The following MRPL49 variants were observed in gnomAD, a reference collection of about 807,000 sequenced individuals.
MRPL49 encodes the protein mitochondrial ribosomal protein L49, also known as large ribosomal subunit protein mL49.
In MRPL49, 14 loss-of-function variants were observed where a neutral mutation model predicts 18.4. The observed-to-expected ratio is 0.76, with a 90% CI of 0.50 to 1.19. The LOEUF (loss-of-function observed/expected upper bound fraction) is 1.19. Among genes scored for constraint, MRPL49 ranks in the 50% most tolerant of loss-of-function variants. MRPL49 has a pLI of 0.00. For synonymous variants in MRPL49, 104 were observed against 86.2 expected (o/e 1.21, Z -1.14); for missense variants, 190 against 217.8 (o/e 0.87, Z 0.80).
chr11:65,122,242 G>T (rs1431861840), upstream of MRPL49: 11 of 1,263,048 alleles, frequency 8.7e-6, no homozygotes, highest in Non-Finnish European at 1.2e-5. Context: ...TCCTAGCTCC[G>T]CCCCTTTACG....
At position 65,125,785 on chromosome 11, in the gene MRPL49, C is replaced by G; in HGVS notation, c.414C>G (p.Thr138=). 2 of 1,613,410 alleles carry G rather than the reference C, an allele frequency of 1.2e-6. No homozygotes were observed. Among genetic ancestry groups the G allele is most frequent in the Non-Finnish European group, 1.7e-6 (2 of 1,179,996 alleles). The part of the protein sequence containing the change: ...LSPLLGKTPV[T]QVNEVTGTLR... ...CGCTGCTGGGGAAGACACCTGTCAC[C>G]CAGGTCAATGAGGTGACAGGTACCC... The change falls in exon 4 of 4, where the codon ACC becomes ACG. Residue 138 remains threonine, a synonymous_variant. Transcript: ENST00000279242.
chr11:65,122,920 C>G (rs1744993040), intron 1 of MRPL49, among the ~76,000 whole-genome samples: 1 of 152,024 alleles, frequency 6.6e-6, no homozygotes, highest in Non-Finnish European at 1.5e-5. Context: ...GGGGTTTCAC[C>G]TTGTTAGCCA....
At chr11:65,125,644 T>G in intron 3 of MRPL49, 32 bp downstream of exon 3, 1 of 1,613,798 alleles carries the variant, frequency 6.2e-7, no homozygotes, top group Non-Finnish European at 8.5e-7. Flanking sequence ...GGACTGGGCC[T>G]GACCCTTTCA....
chr11:65,122,301 G>T, upstream of MRPL49: 1 of 1,598,156 alleles, frequency 6.3e-7, no homozygotes, highest in East Asian at 2.3e-5. Flanking sequence ...AGGACGGGGC[G>T]GGACCAGACA....
At chr11:65,124,763 T>G (rs1440242539) in intron 2 of MRPL49, 111 bp downstream of exon 2, 2 of 1,245,640 alleles carry the variant, frequency 1.6e-6, no homozygotes, top group Non-Finnish European at 2.2e-6. Context: ...CAGGACTCAT[T>G]TTGCAATCCC....
intron 2 of MRPL49, chr11:65,125,023 T>C (rs1379833013): frequency 3.7e-6 from 1 of 268,536 alleles, no homozygotes; most frequent in Admixed American, 4.9e-5. Flanking sequence ...TGATGTTATC[T>C]TGAATTAGTC....
At chr11:65,125,449 T>C in intron 2 of MRPL49, 39 bp from the exon 3 acceptor site, 1 of 1,611,744 alleles carries the variant, frequency 6.2e-7, no homozygotes, top group Non-Finnish European at 8.5e-7. Flanking sequence ...GGATGGCACG[T>C]AGGAAGAGTT....
chr11:65,123,749 TAAATA>T (rs1948075505), intron 1 of MRPL49, among the ~76,000 whole-genome samples: 1 of 151,672 alleles, frequency 6.6e-6, no homozygotes, highest in Admixed American at 6.6e-5. Context: ...ATAATAAAAA[TAAATA>T]AAGGAAAGGA....
In MRPL49 at chr11:65,122,361, G is replaced by T. The variant is rs375862268; in HGVS notation, c.15G>T (p.Met5Ile). The change falls in exon 1 of 4, where the codon ATG becomes ATT. Residue 5 changes from methionine (M) to isoleucine (I), a missense_variant. By Grantham distance (10) the Met-to-Ile change is conservative. Coordinates refer to ENST00000279242, the MANE Select transcript of MRPL49 (RefSeq NM_004927.4). MAAT[M>I]FRATLRGWRT... ...AGCAGGTAAAGATGGCAGCTACCAT[G>T]TTCCGGGCTACGCTGCGGGGATGGA... 3 of 1,612,962 alleles carry T rather than the reference G, an allele frequency of 1.9e-6. No homozygotes were observed. Among genetic ancestry groups the T allele is most frequent in the Admixed American group, 1.7e-5 (1 of 59,928 alleles).
Position 65,122,440 on chromosome 11 carries a change from G to T in MRPL49, c.78+16G>T, listed in dbSNP as rs1388953535. On this transcript the variant is annotated intron_variant, in intron 1 of 3. Coordinates refer to ENST00000279242, the MANE Select transcript of MRPL49 (RefSeq NM_004927.4). ...ACGGCTGTTGGTGAGAGCGCTGAGC[G>T]AGGAGCTGAGGGCATCGCGTGGGTG... 6.2e-7 allele frequency: 1 copy of T among 1,606,430 alleles called. No individual in the cohort carries two copies. The highest frequency in any genetic ancestry group is 1.1e-5 in the South Asian group (1 of 90,134).
At position 65,122,388 on chromosome 11, in the gene MRPL49, A is replaced by G. The variant is rs775076288; in HGVS notation, c.42A>G (p.Arg14=). 55 of 1,613,250 alleles carry G rather than the reference A, an allele frequency of 3.4e-5. No homozygotes were observed. The highest frequency in any genetic ancestry group is 4.4e-5 in the Non-Finnish European group (52 of 1,179,742). The change falls in exon 1 of 4, where the codon AGA becomes AGG. Residue 14 remains arginine, a synonymous_variant. Transcript: ENST00000279242. Reference sequence around the variant, plus strand: ...TCCGGGCTACGCTGCGGGGATGGAGAACCGGTGTCCAGCGGGGCTGCGGGC... The same window carrying G: ...TCCGGGCTACGCTGCGGGGATGGAGGACCGGTGTCCAGCGGGGCTGCGGGC... ...TMFRATLRGW[R]TGVQRGCGLR... is the part of the protein sequence containing the mutation.
chr11:65,125,868 T>A lies in MRPL49; in HGVS notation c.497T>A (p.Phe166Tyr), dbSNP rs1185446568. 6.2e-7 allele frequency: 1 copy of A among 1,604,734 alleles called. No homozygotes were observed. The highest frequency in any genetic ancestry group is 8.5e-7 in the Non-Finnish European group (1 of 1,174,524). ...AAAGCCTGGCTCTTGGAGAAAGGCT[T>A]CTGAGGCCCAGCCGAGCAGCCTGCT... is the stretch of plus-strand genomic sequence containing the variant. ...ELKAWLLEKG[F>Y] The change falls in exon 4 of 4, where the codon TTC becomes TAC. Residue 166 changes from phenylalanine (F) to tyrosine (Y), a missense_variant. Physicochemically the swap from Phe to Tyr is conservative, Grantham distance 22. Transcript: ENST00000279242.
At chr11:65,122,298 G>A, upstream of MRPL49, 1 of 1,596,018 alleles carries the variant, frequency 6.3e-7, no homozygotes, top group Non-Finnish European at 8.5e-7. Context: ...CGCAGGACGG[G>A]GCGGGACCAG....
In MRPL49 at chr11:65,126,091, G is replaced by T. The variant is rs1406207433; in HGVS notation, c.*219G>T. The T allele has an allele frequency of 2.1e-6, 1 of 483,620 alleles. No homozygotes were observed. Among genetic ancestry groups the T allele is most frequent in the Non-Finnish European group, 3.6e-6 (1 of 277,474 alleles). 30.0% of individuals were successfully genotyped at this position (483,620 alleles called of 1,614,324 possible). Reference sequence around the variant, plus strand: ...TGGGAGACCAAATAGGGATCACCAGGCTAATGGGGGGCGTCAGCAGCTTTC... The same window carrying T: ...TGGGAGACCAAATAGGGATCACCAGTCTAATGGGGGGCGTCAGCAGCTTTC... On this transcript the variant is annotated 3_prime_UTR_variant, in exon 4 of 4. Transcript: ENST00000279242.
intron 1 of MRPL49, among the ~76,000 whole-genome samples, chr11:65,123,602 C>T (rs1009509982): frequency 6.6e-6 from 1 of 151,992 alleles, no homozygotes; most frequent in African/African-American, 2.4e-5. Flanking sequence ...GGTGTGATGG[C>T]GTGTGCCTGT....
At chr11:65,123,579 C>T (rs1565335741) in intron 1 of MRPL49, among the ~76,000 whole-genome samples, 1 of 151,998 alleles carries the variant, frequency 6.6e-6, no homozygotes, top group Non-Finnish European at 1.5e-5. Context: ...AGAAAAAATA[C>T]AAAAATTAGC....
chr11:65,124,700 C>T lies in MRPL49; in HGVS notation c.229+48C>T, dbSNP rs770639826. On this transcript the variant is annotated intron_variant, in intron 2 of 3. Transcript: ENST00000279242. ...ATTTGAAAGCTTCACGGAGCATCAC[C>T]TCCTCCCCAGAGGTTGGCCTCCCCC... The T allele has an allele frequency of 5.0e-6, 8 of 1,596,844 alleles. No homozygotes were observed. The East Asian group carries it at 1.3e-4, about 27-fold the overall frequency.
At position 65,126,992 on chromosome 11, in the gene MRPL49, A is replaced by G; in HGVS notation, c.*1120A>G. ...CTTATACTTGGAGTCACAGGGGCCA[A>G]AGGCCTGAGACCCCACCCTGCCCCC... On this transcript the variant is annotated 3_prime_UTR_variant, in exon 4 of 4. Transcript: ENST00000279242. 2.9e-6 allele frequency: 2 copies of G among 682,284 alleles called. No individual in the cohort carries two copies. Among genetic ancestry groups the G allele is most frequent in the South Asian group, 3.1e-5 (2 of 64,414 alleles). The allele number at this position is 682,284 out of a possible 1,614,324, so 42.3% of individuals were successfully genotyped here.
At chr11:65,124,028 C>T (rs1948078088) in intron 1 of MRPL49, among the ~76,000 whole-genome samples, 2 of 152,122 alleles carry the variant, frequency 1.3e-5, no homozygotes, top group African/African-American at 4.8e-5. Context: ...GCTGGGATTA[C>T]AGGCATGCAC....
Sources: allele counts gnomAD v4.1 joint callset (sites outside exome capture counted in the v4.1 genomes callset), GRCh38; gene constraint gnomAD v4.1.1; transcripts MANE v1.5; gene names NCBI Gene and HGNC (gene_info 2026-07-23, HGNC 2026-07-21).